STXBP4: variants seen among roughly 807,000 people sequenced by gnomAD.
The protein encoded by STXBP4 is syntaxin-binding protein 4.
In STXBP4, 55 loss-of-function variants were observed where a neutral mutation model predicts 76.1. The ratio of observed to expected loss-of-function variants is 0.72; its 90% confidence interval spans 0.58 to 0.91. The LOEUF is 0.91. Among genes scored for constraint, STXBP4 ranks in the 40% least tolerant of loss-of-function variants. The pLI, the probability that STXBP4 is intolerant of heterozygous loss-of-function variation, is 0.00. For missense variants in STXBP4, 618 were observed against 636.9 expected (o/e 0.97, Z 0.32); for synonymous variants, 201 against 220.2 (o/e 0.91, Z 0.77).
chr17:55,100,487 T>C (rs1470167183), intron 16 of STXBP4, among the ~76,000 whole-genome samples: 1 of 152,164 alleles, frequency 6.6e-6, no homozygotes, highest in Non-Finnish European at 1.5e-5. Flanking sequence ...TAAACAAATA[T>C]ACAAAAGATG....
At chr17:55,107,922 T>C (rs1181047381) in intron 16 of STXBP4, among the ~76,000 whole-genome samples, 1 of 152,344 alleles carries the variant, frequency 6.6e-6, no homozygotes, top group East Asian at 1.9e-4. Flanking sequence ...GGATGCAGTA[T>C]GTCCCTTAGT....
intron 11 of STXBP4, among the ~76,000 whole-genome samples, chr17:55,045,104 T>G (rs2078767393): frequency 6.6e-6 from 1 of 152,174 alleles, no homozygotes; most frequent in African/African-American, 2.4e-5. Context: ...ATAATTGCTT[T>G]ATTAAAAGAT....
chr17:55,017,996 T>G (rs2078238324), intron 8 of STXBP4, among the ~76,000 whole-genome samples: 1 of 152,076 alleles, frequency 6.6e-6, no homozygotes, highest in Non-Finnish European at 1.5e-5. Context: ...GTCGCCAAAA[T>G]GTTACTGGGG....
the STXBP4 span, among the ~76,000 whole-genome samples, chr17:55,202,022 C>T: frequency 1.3e-5 from 2 of 152,084 alleles, no homozygotes; most frequent in South Asian, 4.1e-4. Flanking sequence ...GTCCTTTATT[C>T]TTTAGTATCA....
intron 16 of STXBP4, among the ~76,000 whole-genome samples, chr17:55,103,937 T>C (rs547698773): frequency 6.6e-6 from 1 of 152,342 alleles, no homozygotes; most frequent in South Asian, 2.1e-4. Flanking sequence ...TTGTCTATTA[T>C]TGGTGTATAG....
intron 12 of STXBP4, among the ~76,000 whole-genome samples, chr17:55,051,144 ACAC>A (rs2078853570): frequency 2.0e-5 from 3 of 152,126 alleles, no homozygotes; most frequent in Non-Finnish European, 4.4e-5. Flanking sequence ...GGAAAGAGTG[ACAC>A]TTCTCTAAGA....
chr17:55,120,728 A>T (rs924381949), intron 16 of STXBP4, among the ~76,000 whole-genome samples: 10 of 152,142 alleles, frequency 6.6e-5, no homozygotes, highest in African/African-American at 2.4e-5. Context: ...AGGTCAAGGG[A>T]GTGCATTGGA....
the STXBP4 span, among the ~76,000 whole-genome samples, chr17:55,206,857 G>GAAAAAA: frequency 0.049 from 5,016 of 102,768 alleles, 158 homozygotes; most frequent in East Asian, 0.2. Context: ...CTCCGTCTCA[G>GAAAAAA]AAAAAAAAAA....
chr17:55,174,690 A>G (rs1287601658), downstream of STXBP4, among the ~76,000 whole-genome samples: 1 of 152,146 alleles, frequency 6.6e-6, no homozygotes, highest in Non-Finnish European at 1.5e-5. Context: ...CCTGCACCTC[A>G]GGTTCTGTTT....
chr17:55,088,425 C>A (rs1399833994), intron 16 of STXBP4, among the ~76,000 whole-genome samples: 1 of 152,114 alleles, frequency 6.6e-6, no homozygotes, highest in East Asian at 1.9e-4. Context: ...ATCTAGAAGA[C>A]AATTCTGTTG....
At chr17:55,209,177 A>T in the STXBP4 span, among the ~76,000 whole-genome samples, 74 of 151,586 alleles carry the variant, frequency 4.9e-4, no homozygotes, top group African/African-American at 1.8e-3. Context: ...TCTGAAGATT[A>T]AAAAAAAATA....
chr17:55,029,663 C>T (rs2078473233), intron 8 of STXBP4, among the ~76,000 whole-genome samples: 1 of 151,090 alleles, frequency 6.6e-6, no homozygotes, highest in South Asian at 2.1e-4. Flanking sequence ...AGAATCTTTC[C>T]TGATATTCTT....
intron 7 of STXBP4, among the ~76,000 whole-genome samples, chr17:55,001,683 T>G (rs2077919157): frequency 6.6e-6 from 1 of 152,166 alleles, no homozygotes; most frequent in Non-Finnish European, 1.5e-5. Context: ...CTACCAATCT[T>G]TTTTTTGAGA....
chr17:55,058,732 T>G (rs1014418231), intron 12 of STXBP4, among the ~76,000 whole-genome samples: 2 of 152,146 alleles, frequency 1.3e-5, no homozygotes, highest in East Asian at 3.8e-4. Flanking sequence ...TATCCTCCAT[T>G]TTTTATGAAA....
In STXBP4 at chr17:54,986,004, A is replaced by C. The variant is rs575566537; in HGVS notation, c.-78-138A>C. 35 of 531,066 alleles carry C rather than the reference A, an allele frequency of 6.6e-5. No individual in the cohort carries two copies. The South Asian group carries it at 7.7e-4, about 12-fold the overall frequency. The allele number at this position is 531,066 out of a possible 1,614,324, so 32.9% of individuals were successfully genotyped here. Reference sequence around the variant, plus strand: ...ATGATAAAATGCCATAACACAAAATACATACAATACATCTAACATCTATAT... The same window carrying C: ...ATGATAAAATGCCATAACACAAAATCCATACAATACATCTAACATCTATAT... On this transcript the variant is annotated intron_variant, in intron 2 of 17. Coordinates refer to ENST00000376352, the MANE Select transcript of STXBP4 (RefSeq NM_178509.6).
intron 10 of STXBP4, among the ~76,000 whole-genome samples, chr17:55,038,095 T>A (rs1190210705): frequency 6.6e-6 from 1 of 152,198 alleles, no homozygotes; most frequent in Non-Finnish European, 1.5e-5. Context: ...GGTCATTCTG[T>A]TAGGCATGTA....
At chr17:55,115,701 C>T (rs1296672581) in intron 16 of STXBP4, among the ~76,000 whole-genome samples, 1 of 151,850 alleles carries the variant, frequency 6.6e-6, no homozygotes, top group Non-Finnish European at 1.5e-5. Context: ...AACCCAATCA[C>T]AGTTTAAAGT....
chr17:55,044,068 A>T lies in STXBP4; in HGVS notation c.945+743A>T, dbSNP rs527633321. ...GATGGTGTCTCACTATTTTGTTCAGACTGGTCTCAAACACCTGGGCTCAAA... is the reference window on the plus strand; with the variant it reads ...GATGGTGTCTCACTATTTTGTTCAGTCTGGTCTCAAACACCTGGGCTCAAA... On this transcript the variant is annotated intron_variant, in intron 11 of 17. Coordinates refer to ENST00000376352, the MANE Select transcript of STXBP4 (RefSeq NM_178509.6). 2.6e-5 allele frequency: 4 copies of T among 154,586 alleles called. No individual in the cohort carries two copies. The East Asian group carries it at 7.6e-4, about 29-fold the overall frequency. 9.6% of individuals were successfully genotyped at this position (154,586 alleles called of 1,614,324 possible). A position where few individuals can be genotyped will look rare whatever the true frequency, so the allele number is the denominator to read the frequency against.
intron 16 of STXBP4, among the ~76,000 whole-genome samples, chr17:55,089,520 A>G (rs2079382884): frequency 6.6e-6 from 1 of 152,248 alleles, no homozygotes; most frequent in Non-Finnish European, 1.5e-5. Flanking sequence ...CATTATTCAC[A>G]GTGAAAACAG....
Sources: gnomAD v4.1 joint callset for allele counts (sites outside exome capture counted in the v4.1 genomes callset) on GRCh38, gnomAD v4.1.1 for gene constraint, MANE v1.5 for transcripts, NCBI Gene and HGNC (gene_info 2026-07-23, HGNC 2026-07-21) for gene names.